Variants in MAP3K7CL observed in about 807,000 individuals in gnomAD.
The protein encoded by MAP3K7CL is MAP3K7 C-terminal like.
Under a neutral mutation model 18.6 loss-of-function variants are expected in MAP3K7CL, and 16 were observed. That is an observed-to-expected ratio of 0.86 (90% CI 0.58 to 1.31). The LOEUF (loss-of-function observed/expected upper bound fraction) is 1.31. MAP3K7CL is among the 50% of genes most tolerant of loss of function. The pLI, the probability that MAP3K7CL is intolerant of heterozygous loss-of-function variation, is 0.00. For missense variants in MAP3K7CL, 163 were observed against 174.4 expected (o/e 0.93, Z 0.37); for synonymous variants, 65 against 66.8 (o/e 0.97, Z 0.13).
Position 29,092,492 on chromosome 21 carries a change from AG to A in MAP3K7CL, c.283del (p.Val95SerfsTer13). 1 of 1,614,224 alleles carries A rather than the reference AG, an allele frequency of 6.2e-7. No homozygotes were observed. The highest frequency in any genetic ancestry group is 8.5e-7 in the Non-Finnish European group (1 of 1,180,034). On this transcript the variant is annotated frameshift_variant, in exon 4 of 7. Transcript: ENST00000286791. LOFTEE classifies it high-confidence loss of function. ...TTGGCCATGTTGGAGGACAATCCAA[AG>A]GTCAGCAAGTTGGCTACTGGCGATT...
chr21:29,134,803 A>G (rs961241045), intron 2 of MAP3K7CL, among the ~76,000 whole-genome samples: 3 of 152,210 alleles, frequency 2.0e-5, no homozygotes, highest in African/African-American at 7.2e-5. Flanking sequence ...TAATCCCAGC[A>G]CTTTGGGAGG....
intron 4 of MAP3K7CL, among the ~76,000 whole-genome samples, chr21:29,101,458 G>T (rs2086228342): frequency 6.6e-6 from 1 of 152,192 alleles, no homozygotes. Flanking sequence ...CACCCAGGCT[G>T]GTGTGCAGTG....
intron 4 of MAP3K7CL, among the ~76,000 whole-genome samples, chr21:29,094,656 G>A (rs2086089607): frequency 6.6e-6 from 1 of 152,210 alleles, no homozygotes; most frequent in African/African-American, 2.4e-5. Context: ...ATCTGTGTGT[G>A]ATTTGAGATA....
At chr21:29,108,898 A>C (rs995242845) in intron 4 of MAP3K7CL, 4 of 697,458 alleles carry the variant, frequency 5.7e-6, no homozygotes, top group Non-Finnish European at 6.8e-6. Flanking sequence ...GTGTTCAGTC[A>C]GCTCCAATGG....
chr21:29,087,800 A>G (rs2085953229), intron 1 of MAP3K7CL, among the ~76,000 whole-genome samples: 1 of 151,800 alleles, frequency 6.6e-6, no homozygotes, highest in African/African-American at 2.4e-5. Context: ...TCACTGAGTT[A>G]GCCAGGATGG....
At chr21:29,092,150 G>A in intron 3 of MAP3K7CL, 1 of 397,680 alleles carries the variant, frequency 2.5e-6, no homozygotes, top group Non-Finnish European at 4.5e-6. Flanking sequence ...AAATCCTAGA[G>A]TTCTTATAAT....
At chr21:29,091,583 G>A (rs2086029390) in intron 2 of MAP3K7CL, 1 of 700,646 alleles carries the variant, frequency 1.4e-6, no homozygotes, top group Non-Finnish European at 2.6e-6. Flanking sequence ...CCAGGTAATT[G>A]TCCCACCTCA....
chr21:29,147,949 CTA>C (rs79359591), intron 2 of MAP3K7CL, among the ~76,000 whole-genome samples: 19,730 of 150,910 alleles, frequency 0.13, 2,020 homozygotes, highest in African/African-American at 0.28. Flanking sequence ...TACTGTATCT[CTA>C]TTATATATTA....
At chr21:29,100,933 C>A (rs189166565) in intron 4 of MAP3K7CL, among the ~76,000 whole-genome samples, 1 of 150,756 alleles carries the variant, frequency 6.6e-6, no homozygotes, top group Non-Finnish European at 1.5e-5. Flanking sequence ...AGGATGGTGT[C>A]GATCTCCTGA....
chr21:29,086,682 G>A (rs1395812207), intron 1 of MAP3K7CL, among the ~76,000 whole-genome samples: 2 of 152,166 alleles, frequency 1.3e-5, no homozygotes, highest in Admixed American at 6.5e-5. Flanking sequence ...CCACAGTAAC[G>A]AGAATCTGGC....
chr21:29,121,252 G>A (rs1338016338), intron 4 of MAP3K7CL, among the ~76,000 whole-genome samples: 1 of 151,842 alleles, frequency 6.6e-6, no homozygotes, highest in Non-Finnish European at 1.5e-5. Context: ...GGTTTGTAAA[G>A]CTGGTAGGAC....
rs149157518 is a variant in MAP3K7CL, at chr21:29,170,382, A to G, written c.249-4330A>G. ...CTATTCTTTCAAATTGTAAAAATCT[A>G]TGATTTTGTGATTTTTTATCTCTGA... is the stretch of plus-strand genomic sequence containing the variant. On this transcript the variant is annotated intron_variant, in intron 4 of 4. Coordinates refer to ENST00000399928, the MANE Select transcript of MAP3K7CL (RefSeq NM_001286620.2). Among the ~76,000 whole-genome samples the G allele has an allele frequency of 1.7e-3, 253 of 152,340 alleles. 1 individual carries two copies. The highest frequency in any genetic ancestry group is 5.5e-3 in the African/African-American group (230 of 41,574).
At chr21:29,087,527 C>T (rs920983173) in intron 1 of MAP3K7CL, among the ~76,000 whole-genome samples, 1 of 150,760 alleles carries the variant, frequency 6.6e-6, no homozygotes, top group African/African-American at 2.4e-5. Flanking sequence ...TGTCTTAGGT[C>T]GTATATCTCC....
At chr21:29,114,555 T>C (rs2086473904) in intron 4 of MAP3K7CL, among the ~76,000 whole-genome samples, 2 of 151,986 alleles carry the variant, frequency 1.3e-5, no homozygotes, top group African/African-American at 2.4e-5. Context: ...TACACCTGGC[T>C]AAGCTTTGTA....
intron 4 of MAP3K7CL, among the ~76,000 whole-genome samples, chr21:29,174,150 G>A (rs2832234): frequency 0.2 from 29,885 of 152,160 alleles, 3,080 homozygotes; most frequent in East Asian, 0.28. Flanking sequence ...ATCAAATGTG[G>A]ACACAGTTTT....
At chr21:29,144,688 C>T (rs1479927768) in intron 2 of MAP3K7CL, among the ~76,000 whole-genome samples, 1 of 152,168 alleles carries the variant, frequency 6.6e-6, no homozygotes, top group East Asian at 1.9e-4. Context: ...AGATGGTTGC[C>T]TAGTCCTTTC....
chr21:29,160,592 T>C (rs1363916176), intron 4 of MAP3K7CL, among the ~76,000 whole-genome samples: 1 of 152,244 alleles, frequency 6.6e-6, no homozygotes, highest in African/African-American at 2.4e-5. Context: ...TCATAACTTT[T>C]TGTTTCTGGA....
At chr21:29,092,668 G>A (rs1025046644) in intron 4 of MAP3K7CL, 2 of 1,496,122 alleles carry the variant, frequency 1.3e-6, no homozygotes, top group Non-Finnish European at 1.8e-6. Context: ...TGGTTGGGCA[G>A]CACCTCATTC....
intron 2 of MAP3K7CL, among the ~76,000 whole-genome samples, 174 bp from the exon 3 acceptor site, chr21:29,149,015 C>T (rs191063683): frequency 2.3e-4 from 35 of 152,266 alleles, no homozygotes; most frequent in Admixed American, 1.4e-3. Flanking sequence ...AAGCTCTCCA[C>T]GCATCTGTGT....
Sources: gnomAD v4.1 joint callset for allele counts (sites outside exome capture counted in the v4.1 genomes callset) on GRCh38, gnomAD v4.1.1 for gene constraint, MANE v1.5 for transcripts, NCBI Gene and HGNC (gene_info 2026-07-23, HGNC 2026-07-21) for gene names.